PRKCE: variants seen among roughly 807,000 people sequenced by gnomAD.
The protein encoded by PRKCE is protein kinase C epsilon.
PRKCE carries 16 observed loss-of-function variants against 85.4 expected under a neutral mutation model. The ratio of observed to expected loss-of-function variants is 0.19; its 90% CI spans 0.13 to 0.28. The LOEUF (loss-of-function observed/expected upper bound fraction) is 0.28. Ranked by LOEUF, PRKCE falls within the 10% of genes least tolerant of loss-of-function variation. The pLI, the probability that PRKCE is intolerant of heterozygous loss-of-function variation, is 1.00. For synonymous variants in PRKCE, 388 were observed against 371.5 expected, an observed-to-expected ratio of 1.04 and a Z score of -0.51; for missense variants, 573 against 975.2, an observed-to-expected ratio of 0.59 and a Z score of 5.49.
At chr2:45,884,376 G>A (rs1695089214) in intron 2 of PRKCE, among the ~76,000 whole-genome samples, 1 of 152,188 alleles carries the variant, frequency 6.6e-6, no homozygotes, top group Non-Finnish European at 1.5e-5. Context: ...CCTGTCCAGG[G>A]TTCATAGTAT....
intron 11 of PRKCE, among the ~76,000 whole-genome samples, chr2:46,106,240 C>T (rs1671704121): frequency 6.6e-6 from 1 of 152,184 alleles, no homozygotes. Context: ...TATTTGAGCT[C>T]ACACCGATGT....
At position 46,145,987 on chromosome 2, in the gene PRKCE, G is replaced by A. The variant is rs1002751451; in HGVS notation, c.1731+756G>A. 6.6e-6 allele frequency among the ~76,000 whole-genome samples: 1 copy of A among 152,220 alleles called. No individual in the cohort carries two copies. Among genetic ancestry groups the A allele is most frequent in the Non-Finnish European group, 1.5e-5 (1 of 68,040 alleles). ...AACTAGGAACTGTTTGCTATTTCCT[G>A]CATAGTGGCAGTTCTATGCTGTGAG... On this transcript the variant is annotated intron_variant, in intron 12 of 14. Coordinates refer to ENST00000306156, the MANE Select transcript of PRKCE (RefSeq NM_005400.3). The surrounding 1 kb of genome is among the most constrained non-coding windows in gnomAD (Gnocchi z 4.6).
At chr2:46,071,072 G>A (rs192297190) in intron 10 of PRKCE, among the ~76,000 whole-genome samples, 13 of 152,250 alleles carry the variant, frequency 8.5e-5, no homozygotes, top group East Asian at 3.9e-4. Context: ...AACCAAATGC[G>A]TAGAGATGCC....
At chr2:46,121,020 GT>G (rs1308528314) in intron 11 of PRKCE, among the ~76,000 whole-genome samples, 1 of 152,186 alleles carries the variant, frequency 6.6e-6, no homozygotes, top group African/African-American at 2.4e-5. Flanking sequence ...AGTCAAAGCT[GT>G]AAAATTTATT....
chr2:45,768,165 C>T (rs1240066497), intron 1 of PRKCE, among the ~76,000 whole-genome samples: 2 of 152,216 alleles, frequency 1.3e-5, no homozygotes, highest in Non-Finnish European at 2.9e-5. Context: ...AGATGTTTCC[C>T]AGTGGGTAGA....
At chr2:45,703,765 A>G (rs534495713) in intron 1 of PRKCE, among the ~76,000 whole-genome samples, 3 of 152,306 alleles carry the variant, frequency 2.0e-5, no homozygotes, top group African/African-American at 7.2e-5. Flanking sequence ...TTGGTTTTTA[A>G]AAGACAATAA....
chr2:45,816,389 A>G (rs781223149), intron 1 of PRKCE, among the ~76,000 whole-genome samples: 7 of 152,068 alleles, frequency 4.6e-5, no homozygotes, highest in Non-Finnish European at 1.0e-4. Context: ...GAGCTGGGAA[A>G]GCCATCAGTG....
chr2:46,000,430 G>A (rs1164689572), intron 6 of PRKCE, among the ~76,000 whole-genome samples: 2 of 147,338 alleles, frequency 1.4e-5, no homozygotes, highest in Admixed American at 6.8e-5. Context: ...CAGATCAGTC[G>A]GGGTCTGATA....
At chr2:46,070,353 G>T (rs1667971341) in intron 10 of PRKCE, among the ~76,000 whole-genome samples, 1 of 152,178 alleles carries the variant, frequency 6.6e-6, no homozygotes, top group South Asian at 2.1e-4. Context: ...TAAAAAAATG[G>T]CATTTTATGG....
intron 1 of PRKCE, among the ~76,000 whole-genome samples, chr2:45,739,144 A>G (rs558065508): frequency 6.6e-6 from 1 of 152,326 alleles, no homozygotes; most frequent in African/African-American, 2.4e-5. Flanking sequence ...AAATTCAACT[A>G]TTAATATTTT....
chr2:45,675,735 A>T (rs975632482), intron 1 of PRKCE: 1 of 152,214 alleles, frequency 6.6e-6, no homozygotes, highest in Non-Finnish European at 1.5e-5. Context: ...GTCATGCCAG[A>T]AGAGTTCAGG....
At chr2:46,173,269 A>G (rs546725066) in intron 14 of PRKCE, among the ~76,000 whole-genome samples, 1 of 152,244 alleles carries the variant, frequency 6.6e-6, no homozygotes, top group Non-Finnish European at 1.5e-5. Context: ...TCATTCATTT[A>G]CACAAGTTCA....
intron 1 of PRKCE, among the ~76,000 whole-genome samples, chr2:45,655,874 T>TAAGAAAA (rs1675357416): frequency 9.6e-6 from 1 of 104,342 alleles, no homozygotes; most frequent in African/African-American, 3.7e-5. Context: ...AAAAAAAAGG[T>TAAGAAAA]AGGGAGAACT....
intron 6 of PRKCE, 67 bp downstream of exon 6, chr2:45,984,747 T>C: frequency 6.5e-7 from 1 of 1,544,018 alleles, no homozygotes; most frequent in Non-Finnish European, 8.7e-7. Flanking sequence ...CCCCCATCCC[T>C]GCTTTATAAA....
intron 5 of PRKCE, among the ~76,000 whole-genome samples, chr2:45,981,888 T>A (rs902640268): frequency 6.6e-6 from 1 of 152,196 alleles, no homozygotes; most frequent in Non-Finnish European, 1.5e-5. Context: ...TCTTCTGCAC[T>A]TTTTTGGAGG....
chr2:45,899,599 T>G (rs1346812636), intron 2 of PRKCE, among the ~76,000 whole-genome samples: 3 of 152,240 alleles, frequency 2.0e-5, no homozygotes, highest in Non-Finnish European at 2.9e-5. Flanking sequence ...CCCAGGCTGG[T>G]CTTGAACTCC....
At chr2:46,031,591 CGTGTGT>C (rs58684318) in intron 10 of PRKCE, among the ~76,000 whole-genome samples, 33,726 of 143,906 alleles carry the variant, frequency 0.23, 4,469 homozygotes, top group Middle Eastern at 0.35. Flanking sequence ...ACATTCTGCT[CGTGTGT>C]GTGTGTGTGT....
intron 14 of PRKCE, among the ~76,000 whole-genome samples, chr2:46,179,881 C>G (rs543285935): frequency 1.3e-5 from 2 of 152,268 alleles, no homozygotes; most frequent in African/African-American, 4.8e-5. Context: ...AATCAAAACA[C>G]CCCCTGACAG....
At chr2:45,681,915 C>A (rs949486764) in intron 1 of PRKCE, among the ~76,000 whole-genome samples, 2 of 152,164 alleles carry the variant, frequency 1.3e-5, no homozygotes, top group East Asian at 3.9e-4. Flanking sequence ...TATTAGTAAC[C>A]TTTGCATGCA....
Sources: allele counts gnomAD v4.1 joint callset (sites outside exome capture counted in the v4.1 genomes callset), GRCh38; gene constraint gnomAD v4.1.1; non-coding constraint Gnocchi (gnomAD v3.1); transcripts MANE v1.5; gene names NCBI Gene and HGNC (gene_info 2026-07-23, HGNC 2026-07-21).